The following GNB1 variants were observed in gnomAD, a reference collection of about 807,000 sequenced individuals.
GNB1 encodes the protein guanine nucleotide-binding protein G(I)/G(S)/G(T) subunit beta-1.
A neutral mutation model predicts 42.9 loss-of-function variants in GNB1; 2 were observed. The observed-to-expected ratio is 0.05, with a 90% CI of 0.02 to 0.15. GNB1 has a LOEUF of 0.15. GNB1 is among the 10% of genes least tolerant of loss of function. The pLI, the probability that GNB1 is intolerant of heterozygous loss-of-function variation, is 1.00. For missense variants in GNB1, 193 were observed against 462.2 expected (o/e 0.42, Z 5.34); for synonymous variants, 183 against 174.7 (o/e 1.05, Z -0.38).
chr1:1,890,063 C>A (rs1650391863), intron 1 of GNB1, among the ~76,000 whole-genome samples: 1 of 152,186 alleles, frequency 6.6e-6, no homozygotes. Context: ...GGCGCGGCCA[C>A]CGGGCCCATT....
intron 5 of GNB1, among the ~76,000 whole-genome samples, chr1:1,812,216 G>C (rs977632375): frequency 6.6e-6 from 1 of 152,032 alleles, no homozygotes; most frequent in African/African-American, 2.4e-5. Context: ...GGGGCAGGAG[G>C]AGGGACAGCA....
intron 1 of GNB1, among the ~76,000 whole-genome samples, chr1:1,846,972 G>C (rs1412250727): frequency 6.6e-6 from 1 of 152,188 alleles, no homozygotes; most frequent in East Asian, 1.9e-4. Context: ...AGCAGTTTCT[G>C]CCAACCAAGA....
intron 1 of GNB1, among the ~76,000 whole-genome samples, chr1:1,884,606 GCA>G (rs1650043219): frequency 6.6e-6 from 1 of 152,104 alleles, no homozygotes; most frequent in Non-Finnish European, 1.5e-5. Context: ...CTACAGGACT[GCA>G]CACAGACATG....
chr1:1,788,859 C>A, intron 10 of GNB1, 194 bp downstream of exon 10: 1 of 562,958 alleles, frequency 1.8e-6, no homozygotes, highest in East Asian at 3.0e-5. Context: ...GTGGGAAGAT[C>A]TGCTGGTACT....
At chr1:1,820,316 C>A (rs939731184) in intron 3 of GNB1, among the ~76,000 whole-genome samples, 3 of 142,002 alleles carry the variant, frequency 2.1e-5, no homozygotes, top group Non-Finnish European at 3.0e-5. Flanking sequence ...TGAGATCACA[C>A]CACTGCACTC....
At chr1:1,848,708 G>C (rs1453868928) in intron 1 of GNB1, among the ~76,000 whole-genome samples, 1 of 152,162 alleles carries the variant, frequency 6.6e-6, no homozygotes, top group Non-Finnish European at 1.5e-5. Context: ...CCAGTCAATA[G>C]CAGGCTATTA....
At chr1:1,871,017 C>G (rs977042725) in intron 1 of GNB1, among the ~76,000 whole-genome samples, 1 of 151,454 alleles carries the variant, frequency 6.6e-6, no homozygotes, top group Non-Finnish European at 1.5e-5. Flanking sequence ...TCTGAGCCCT[C>G]TAGAGCAACC....
At chr1:1,890,382 CG>C in intron 1 of GNB1, 1 of 150,632 alleles carries the variant, frequency 6.6e-6, no homozygotes, top group South Asian at 2.1e-4. Context: ...GCGGCCCGCG[CG>C]GGGGCTCCGG....
intron 2 of GNB1, among the ~76,000 whole-genome samples, chr1:1,827,652 G>A (rs1306352784): frequency 6.6e-6 from 1 of 152,168 alleles, no homozygotes; most frequent in Non-Finnish European, 1.5e-5. Context: ...TGTCTCAGAT[G>A]GAAGCTGTCT....
chr1:1,889,510 A>G (rs1454954281), intron 1 of GNB1, among the ~76,000 whole-genome samples: 1 of 152,136 alleles, frequency 6.6e-6, no homozygotes, highest in East Asian at 1.9e-4. Context: ...CAATCTTAAG[A>G]AAAAGCTTCC....
chr1:1,883,881 G>A (rs1649994062), intron 1 of GNB1, among the ~76,000 whole-genome samples: 1 of 151,780 alleles, frequency 6.6e-6, no homozygotes, highest in South Asian at 2.1e-4. Flanking sequence ...TAGATTTTAG[G>A]AATTATTTTA....
intron 5 of GNB1, 62 bp downstream of exon 5, chr1:1,815,694 C>A: frequency 1.1e-6 from 1 of 898,084 alleles, no homozygotes; most frequent in Non-Finnish European, 1.8e-6. Context: ...GTACTTTTCC[C>A]CTAGGACAAC....
At chr1:1,863,820 G>A (rs1464239161) in intron 1 of GNB1, among the ~76,000 whole-genome samples, 1 of 152,172 alleles carries the variant, frequency 6.6e-6, no homozygotes, top group Non-Finnish European at 1.5e-5. Flanking sequence ...TGTAGTATAT[G>A]GCAGCACATA....
chr1:1,864,381 G>A (rs150010725), intron 1 of GNB1, among the ~76,000 whole-genome samples: 1 of 145,906 alleles, frequency 6.9e-6, no homozygotes, highest in Non-Finnish European at 1.5e-5. Context: ...CTGGGCCACA[G>A]AAAGAGATGG....
chr1:1,807,776 C>T (rs890960271), intron 5 of GNB1, among the ~76,000 whole-genome samples: 6 of 151,518 alleles, frequency 4.0e-5, no homozygotes, highest in Admixed American at 3.3e-4. Context: ...GGCGCCATCT[C>T]GGCTCACTGC....
intron 2 of GNB1, among the ~76,000 whole-genome samples, chr1:1,834,589 G>C (rs1647119466): frequency 6.6e-6 from 1 of 151,818 alleles, no homozygotes; most frequent in Non-Finnish European, 1.5e-5. Context: ...CCATCCAGAA[G>C]ACGGGTCTAA....
At chr1:1,858,501 G>C (rs1393084364) in intron 1 of GNB1, among the ~76,000 whole-genome samples, 1 of 151,920 alleles carries the variant, frequency 6.6e-6, no homozygotes, top group Non-Finnish European at 1.5e-5. Flanking sequence ...ACTTAATTTT[G>C]ATTCTTAAAA....
intron 7 of GNB1, among the ~76,000 whole-genome samples, chr1:1,796,918 G>A (rs974912566): frequency 6.6e-6 from 1 of 152,156 alleles, no homozygotes; most frequent in Admixed American, 6.5e-5. Context: ...GGCAGAGAGT[G>A]GAAGCGTAGG....
At chr1:1,871,489 C>G (rs1649245601) in intron 1 of GNB1, among the ~76,000 whole-genome samples, 1 of 152,054 alleles carries the variant, frequency 6.6e-6, no homozygotes, top group African/African-American at 2.4e-5. Context: ...TCACCTGACT[C>G]CTCAACTGCA....
Sources: allele counts gnomAD v4.1 joint callset (sites outside exome capture counted in the v4.1 genomes callset), GRCh38; gene constraint gnomAD v4.1.1; transcripts MANE v1.5; gene names NCBI Gene and HGNC (gene_info 2026-07-23, HGNC 2026-07-21).